The following ADGRF5 variants were observed in gnomAD, a reference collection of about 807,000 sequenced individuals.
The protein encoded by ADGRF5 is G-protein coupled receptor 116.
Under a neutral mutation model 132.3 loss-of-function variants are expected in ADGRF5, and 75 were observed. That is an observed-to-expected ratio of 0.57 (90% CI 0.47 to 0.69). The LOEUF (loss-of-function observed/expected upper bound fraction) is 0.69. ADGRF5 is among the 30% of genes least tolerant of loss of function. The pLI is 0.00. For synonymous variants in ADGRF5, 629 were observed against 597.6 expected (o/e 1.05, Z -0.77); for missense variants, 1,516 against 1,630.6 (o/e 0.93, Z 1.21).
At chr6:46,894,390 A>G (rs1773963595) in intron 3 of ADGRF5, among the ~76,000 whole-genome samples, 1 of 133,176 alleles carries the variant, frequency 7.5e-6, no homozygotes, top group Non-Finnish European at 1.7e-5. Context: ...TAGATGGAGG[A>G]GAAAGTGGGC....
chr6:46,866,280 C>G (rs181093520), intron 13 of ADGRF5, among the ~76,000 whole-genome samples: 3 of 147,234 alleles, frequency 2.0e-5, no homozygotes, highest in Non-Finnish European at 4.5e-5. Flanking sequence ...AAGGTCTCAA[C>G]TCTGGCAGAT....
At chr6:46,938,061 A>T (rs1777916253) in intron 1 of ADGRF5, among the ~76,000 whole-genome samples, 1 of 152,244 alleles carries the variant, frequency 6.6e-6, no homozygotes, top group South Asian at 2.1e-4. Context: ...AGTTATCAAT[A>T]CCAGAAATGT....
At chr6:46,902,425 T>C (rs1479454028) in intron 2 of ADGRF5, among the ~76,000 whole-genome samples, 1 of 152,240 alleles carries the variant, frequency 6.6e-6, no homozygotes, top group Non-Finnish European at 1.5e-5. Flanking sequence ...AGCATTGAGG[T>C]CTTGCCTCTT....
In ADGRF5 at chr6:46,853,761, T is replaced by A; in HGVS notation, c.*231A>T. ...GAGGGCTTGAGTTTCACTTAAATAC[T>A]ATACACATGTGGTATCACACAAGGG... On this transcript the variant is annotated 3_prime_UTR_variant, in exon 21 of 21. Transcript: ENST00000283296. The A allele has an allele frequency of 2.7e-6, 1 of 377,088 alleles. No individual in the cohort carries two copies. 23.4% of individuals were successfully genotyped at this position (377,088 alleles called of 1,614,324 possible). A position where few individuals can be genotyped will look rare whatever the true frequency, so the allele number is the denominator to read the frequency against.
intron 19 of ADGRF5, among the ~76,000 whole-genome samples, chr6:46,856,435 TAA>T (rs1051054388): frequency 6.6e-6 from 1 of 152,214 alleles, no homozygotes; most frequent in African/African-American, 2.4e-5. Context: ...ATTTCAACCT[TAA>T]GTTTATATCA....
chr6:46,896,050 T>C (rs748029846), intron 3 of ADGRF5, among the ~76,000 whole-genome samples: 1 of 152,194 alleles, frequency 6.6e-6, no homozygotes, highest in Non-Finnish European at 1.5e-5. Flanking sequence ...GCATTTCCTC[T>C]GCTTCTTTCC....
intron 2 of ADGRF5, among the ~76,000 whole-genome samples, chr6:46,901,789 G>A (rs1774798156): frequency 6.6e-6 from 1 of 152,082 alleles, no homozygotes; most frequent in Non-Finnish European, 1.5e-5. Context: ...CTCGGTGTCT[G>A]TATAACCTCT....
intron 1 of ADGRF5, among the ~76,000 whole-genome samples, chr6:46,941,689 C>T (rs1258959634): frequency 6.6e-6 from 1 of 151,134 alleles, no homozygotes; most frequent in East Asian, 2.0e-4. Context: ...CTTTGAGAAA[C>T]TATTGATGGT....
At chr6:46,899,129 T>C (rs1315688777) in intron 3 of ADGRF5, among the ~76,000 whole-genome samples, 1 of 151,986 alleles carries the variant, frequency 6.6e-6, no homozygotes, top group East Asian at 1.9e-4. Flanking sequence ...ATCTGGGGAA[T>C]GGATGGAGGG....
At chr6:46,916,919 C>T (rs1776466103) in intron 1 of ADGRF5, among the ~76,000 whole-genome samples, 1 of 152,194 alleles carries the variant, frequency 6.6e-6, no homozygotes, top group South Asian at 2.1e-4. Flanking sequence ...TAGTGGAATG[C>T]ATTGCTACCT....
intron 20 of ADGRF5, chr6:46,854,733 C>G: frequency 7.8e-7 from 1 of 1,286,738 alleles, no homozygotes; most frequent in Non-Finnish European, 1.0e-6. Context: ...TGCTGAACTG[C>G]CACCGCTAAC....
At chr6:46,905,646 A>T (rs1216401223) in intron 2 of ADGRF5, among the ~76,000 whole-genome samples, 1 of 152,212 alleles carries the variant, frequency 6.6e-6, no homozygotes, top group Admixed American at 6.5e-5. Context: ...AGAAATGACA[A>T]TTGGAATAGT....
rs73736305 is a variant in ADGRF5 at position 46,938,070 on chromosome 6, G to A, written c.-25+16664C>T. ...ATTCAGAGTTATCAATACCAGAAAT[G>A]TTTCCTATTACATGTAACTTATGAA... On this transcript the variant is annotated intron_variant, in intron 1 of 20. Transcript: ENST00000265417. Among the ~76,000 whole-genome samples the A allele has an allele frequency of 5.7e-4, 87 of 152,248 alleles. 3 individuals are homozygous for A. The highest frequency in any genetic ancestry group is 6.8e-3 in the Middle Eastern group (2 of 294).
rs1409303425 is a variant in ADGRF5, at chr6:46,906,715, A to C, written c.48T>G (p.Ile16Met). 1 of 1,609,064 alleles carries C rather than the reference A, an allele frequency of 6.2e-7. No homozygotes were observed. Among genetic ancestry groups the C allele is most frequent in the South Asian group, 1.1e-5 (1 of 90,960 alleles). Reference sequence around the variant, plus strand: ...AGTTCAGTGCAGCTTTGGAAGAATAAATCACAATAAACATGAGGCACAAAG... The same window carrying C: ...AGTTCAGTGCAGCTTTGGAAGAATACATCACAATAAACATGAGGCACAAAG... The part of the protein sequence containing the change: ...RTTLCLMFIV[I>M]YSSKAALNWN... The change falls in exon 2 of 21, where the codon ATT (isoleucine) becomes ATG (methionine). Residue 16 changes from isoleucine (I) to methionine (M), a missense_variant. Physicochemically the swap from Ile to Met is conservative, Grantham distance 10. This residue lies in a region of ADGRF5 where 945 missense variants were observed against 929.4 expected (regional missense o/e 1.02). Transcript: ENST00000283296.
intron 15 of ADGRF5, among the ~76,000 whole-genome samples, 185 bp downstream of exon 15, chr6:46,862,703 C>CTTTTTTTTTTCTTTTTTTTTT (rs1769909838): frequency 3.8e-5 from 1 of 26,506 alleles, no homozygotes; most frequent in Non-Finnish European, 6.0e-5. Flanking sequence ...TGAATTGAGG[C>CTTTTTTTTTTCTTTTTTTTTT]TTTTTTTTTT....
At chr6:46,875,115 G>T (rs1040427465) in intron 10 of ADGRF5, among the ~76,000 whole-genome samples, 1 of 152,216 alleles carries the variant, frequency 6.6e-6, no homozygotes. Context: ...AGAAGCAGCA[G>T]CATGCAGGTC....
rs1362492124 is a variant in ADGRF5 at position 46,856,619 on chromosome 6, T to C, written c.3876+99A>G. 5 of 790,044 alleles carry C rather than the reference T, an allele frequency of 6.3e-6. No individual in the cohort carries two copies. The Admixed American group carries it at 1.2e-4, about 19-fold the overall frequency. 48.9% of individuals were successfully genotyped at this position (790,044 alleles called of 1,614,324 possible). The stretch of plus-strand genomic sequence containing the variant: ...GATGCAATATATTTAGCCTAATTGA[T>C]CAAAATCCCAAAGAAAAAATTTAGT... On this transcript the variant is annotated intron_variant, in intron 19 of 20. Coordinates refer to ENST00000283296, the MANE Select transcript of ADGRF5 (RefSeq NM_001098518.2).
At chr6:46,953,343 C>T (rs766416030) in intron 1 of ADGRF5, among the ~76,000 whole-genome samples, 1 of 152,046 alleles carries the variant, frequency 6.6e-6, no homozygotes, top group Non-Finnish European at 1.5e-5. Context: ...TCACTGAGGT[C>T]GGGCACCATG....
intron 1 of ADGRF5, among the ~76,000 whole-genome samples, chr6:46,950,866 T>G (rs562532871): frequency 6.6e-6 from 1 of 152,312 alleles, no homozygotes; most frequent in South Asian, 2.1e-4. Flanking sequence ...ATTAATCTTC[T>G]TACAACTTTG....
Sources: allele counts gnomAD v4.1 joint callset (sites outside exome capture counted in the v4.1 genomes callset), GRCh38; gene constraint gnomAD v4.1.1; regional missense constraint gnomAD v4.1.1; transcripts MANE v1.5; gene names NCBI Gene and HGNC (gene_info 2026-07-23, HGNC 2026-07-21).